WARS1: variants seen among roughly 807,000 people sequenced by gnomAD.
The protein encoded by WARS1 is tryptophanyl-tRNA synthetase 1.
A neutral mutation model predicts 47.8 loss-of-function variants in WARS1; 17 were observed. The observed-to-expected ratio is 0.36, with a 90% CI of 0.24 to 0.53. The LOEUF is 0.53. Among genes scored for constraint, WARS1 ranks in the 20% least tolerant of loss-of-function variants. The probability of loss-of-function intolerance (pLI) is 0.91; values close to 1 mark genes in which losing one functional copy is unlikely to be tolerated. For missense variants in WARS1, 434 were observed against 608.0 expected, an observed-to-expected ratio of 0.71 and a Z score of 3.01; for synonymous variants, 208 against 228.1, an observed-to-expected ratio of 0.91 and a Z score of 0.79.
At chr14:100,376,176 G>C (rs1304116740), upstream of WARS1, 1 of 231,112 alleles carries the variant, frequency 4.3e-6, no homozygotes, top group Non-Finnish European at 8.2e-6. Context: ...GGGAGGGCCA[G>C]GCCACTGGGC....
rs1893787774 is a variant in WARS1, at chr14:100,337,079, G to C, written c.1237C>G (p.Leu413Val). Reference protein sequence around the residue: ...LTFFLEDDDKLEQIRKDYTSG... With the variant: ...LTFFLEDDDKVEQIRKDYTSG... ...CTGCTCACCTTCCTGATCTGCTCGAGCTTGTCGTCGTCCTCGAGGAAGAAG... is the reference window on the plus strand; with the variant it reads ...CTGCTCACCTTCCTGATCTGCTCGACCTTGTCGTCGTCCTCGAGGAAGAAG... The change falls in exon 10 of 11, where the codon CTC (leucine) becomes GTC (valine). Residue 413 changes from leucine to valine, a missense_variant. Transcript: ENST00000392882. The C allele has an allele frequency of 6.2e-7, 1 of 1,613,964 alleles. No homozygotes were observed. Among genetic ancestry groups the C allele is most frequent in the Non-Finnish European group, 8.5e-7 (1 of 1,179,944 alleles).
chr14:100,364,620 G>A (rs951891815), intron 2 of WARS1, among the ~76,000 whole-genome samples: 3 of 152,324 alleles, frequency 2.0e-5, no homozygotes, highest in Middle Eastern at 6.8e-3. Context: ...TGCAACCTCT[G>A]ATGTCTTCAA....
At chr14:100,336,210 A>G (rs1893716267) in intron 10 of WARS1, among the ~76,000 whole-genome samples, 1 of 143,464 alleles carries the variant, frequency 7.0e-6, no homozygotes, top group Non-Finnish European at 1.5e-5. Flanking sequence ...CGGGAGGCAG[A>G]GCTTGCAGTG....
intron 6 of WARS1, among the ~76,000 whole-genome samples, chr14:100,351,241 C>G (rs1352529608): frequency 2.6e-5 from 4 of 152,144 alleles, no homozygotes; most frequent in African/African-American, 9.7e-5. Context: ...GCAATGCCAG[C>G]AGCACTGCCT....
intron 4 of WARS1, among the ~76,000 whole-genome samples, chr14:100,357,318 G>A (rs532971731): frequency 3.9e-5 from 6 of 152,222 alleles, no homozygotes; most frequent in African/African-American, 1.4e-4. Context: ...AAATTGGAAA[G>A]GAGGAAGTAA....
rs371664823 is a variant in WARS1, at chr14:100,354,433, G to C, written c.542+14C>G. 6.2e-7 allele frequency: 1 copy of C among 1,609,776 alleles called. No individual in the cohort carries two copies. The highest frequency in any genetic ancestry group is 8.5e-7 in the Non-Finnish European group (1 of 1,178,872). On this transcript the variant is annotated intron_variant, in intron 5 of 10. Coordinates refer to ENST00000392882, the MANE Select transcript of WARS1 (RefSeq NM_004184.4). ...ACTAAGAGAGTAAGAAAAGCCATAA[G>C]ATCCAATACTTACTTTGTGAAAATA...
intron 1 of WARS1, among the ~76,000 whole-genome samples, chr14:100,370,056 G>C (rs978337412): frequency 2.6e-5 from 4 of 152,194 alleles, no homozygotes; most frequent in Admixed American, 2.6e-4. Flanking sequence ...GTCTTCCACT[G>C]CTGGTCAGCT....
intron 4 of WARS1, among the ~76,000 whole-genome samples, 182 bp downstream of exon 4, chr14:100,360,372 G>A (rs1387022966): frequency 6.6e-6 from 1 of 152,184 alleles, no homozygotes; most frequent in Non-Finnish European, 1.5e-5. Context: ...GAGCCTGAGG[G>A]TGATGGACAA....
chr14:100,338,425 T>C (rs1893897846), intron 9 of WARS1, among the ~76,000 whole-genome samples: 1 of 152,050 alleles, frequency 6.6e-6, no homozygotes, highest in African/African-American at 2.4e-5. Context: ...GCCACCAGCC[T>C]GGCTAATTTT....
chr14:100,360,752 T>C, intron 3 of WARS1, 90 bp from the exon 4 acceptor site: 1 of 950,074 alleles, frequency 1.1e-6, no homozygotes, highest in Non-Finnish European at 1.6e-6. Flanking sequence ...GAGTGATCCA[T>C]GCACAATCTT....
intron 6 of WARS1, among the ~76,000 whole-genome samples, chr14:100,348,887 T>C (rs1407540965): frequency 2.0e-5 from 3 of 152,230 alleles, no homozygotes; most frequent in Admixed American, 6.5e-5. Flanking sequence ...TGCAAGCTGC[T>C]GCCACTGTGC....
intron 3 of WARS1, among the ~76,000 whole-genome samples, chr14:100,361,404 A>G (rs1412445283): frequency 6.6e-6 from 1 of 152,252 alleles, no homozygotes; most frequent in African/African-American, 2.4e-5. Context: ...ACTAAATGTT[A>G]TAAATGGCCA....
At chr14:100,339,504 T>C (rs1283365973) in intron 9 of WARS1, among the ~76,000 whole-genome samples, 3 of 136,922 alleles carry the variant, frequency 2.2e-5, no homozygotes, top group Non-Finnish European at 4.6e-5. Flanking sequence ...GGCAGGAGAA[T>C]GGCGTGAACC....
At chr14:100,356,417 A>C (rs1895328265) in intron 4 of WARS1, among the ~76,000 whole-genome samples, 1 of 151,790 alleles carries the variant, frequency 6.6e-6, no homozygotes, top group South Asian at 2.1e-4. Context: ...GTGTGGAATA[A>C]AAGAGAAGAC....
In WARS1 at chr14:100,357,707, C is replaced by T. The variant is rs553563415; in HGVS notation, c.422+2847G>A. The stretch of plus-strand genomic sequence containing the variant: ...AACTCCTGACCTCAAGTGATCCACC[C>T]GCCTCGGCCTCCCAAAGTGTTGGGA... On this transcript the variant is annotated intron_variant, in intron 4 of 10. Transcript: ENST00000392882. Among the ~76,000 whole-genome samples, 17 of 152,162 alleles carry T rather than the reference C, an allele frequency of 1.1e-4. No homozygotes were observed. The South Asian group carries it at 3.1e-3, about 28-fold the overall frequency.
At chr14:100,339,591 A>AAAT (rs1894018425) in intron 9 of WARS1, among the ~76,000 whole-genome samples, 1 of 16,154 alleles carries the variant, frequency 6.2e-5, no homozygotes, top group Non-Finnish European at 3.4e-4. Context: ...ACTCCGTCTC[A>AAAT]AAAAAAAAAA....
chr14:100,354,875 G>A (rs1328076179), intron 4 of WARS1, among the ~76,000 whole-genome samples: 1 of 152,138 alleles, frequency 6.6e-6, no homozygotes, highest in Non-Finnish European at 1.5e-5. Context: ...CTGTGAGCTT[G>A]GTACACTTCC....
rs767137224 is a variant in WARS1 at position 100,369,102 on chromosome 14, C to T, written c.84G>A (p.Ala28=). The change falls in exon 2 of 11, where the codon GCG becomes GCA. Residue 28 remains alanine (A), a synonymous_variant. Transcript: ENST00000392882. ...TQGELVRSLK[A]GNASKDEIDS... Reference sequence around the variant, plus strand: ...AATCATGTACCTTTGACGCATTTCCCGCTTTGAGGGACCTTACGAGCTCCC... The same window carrying T: ...AATCATGTACCTTTGACGCATTTCCTGCTTTGAGGGACCTTACGAGCTCCC... The T allele has an allele frequency of 5.1e-6, 8 of 1,556,502 alleles. No individual in the cohort carries two copies. In the Admixed American group the frequency reaches 5.3e-5, roughly 10 times the overall value.
intron 9 of WARS1, chr14:100,339,904 C>T (rs1894044090): frequency 6.6e-6 from 1 of 152,228 alleles, no homozygotes; most frequent in South Asian, 2.1e-4. Context: ...GCATGTTTTT[C>T]AAGATGTGCT....
Sources: allele counts gnomAD v4.1 joint callset (sites outside exome capture counted in the v4.1 genomes callset), GRCh38; gene constraint gnomAD v4.1.1; transcripts MANE v1.5; gene names NCBI Gene and HGNC (gene_info 2026-07-23, HGNC 2026-07-21).